Variants in ZNF354B observed in about 807,000 individuals in gnomAD.
ZNF354B encodes the protein zinc finger protein 354B.
ZNF354B carries 10 observed loss-of-function variants against 12.9 expected under a neutral mutation model. That is an observed-to-expected ratio of 0.77 (90% CI 0.48 to 1.31). ZNF354B has a LOEUF of 1.31. Among genes scored for constraint, ZNF354B ranks in the 40% most tolerant of loss-of-function variants. ZNF354B has a pLI of 0.00. For synonymous variants in ZNF354B, 260 were observed against 243.7 expected, an observed-to-expected ratio of 1.07 and a Z score of -0.62; for missense variants, 614 against 711.7, an observed-to-expected ratio of 0.86 and a Z score of 1.56.
At position 178,885,020 on chromosome 5, in the gene ZNF354B, A is replaced by G. The variant is rs1365788140; in HGVS notation, c.*729A>G. ...CATGGCTTTTATTAAAAAAGAAAAAATCTGTTCTCTTCTTTGTTGTAGTCA... is the reference window on the plus strand; with the variant it reads ...CATGGCTTTTATTAAAAAAGAAAAAGTCTGTTCTCTTCTTTGTTGTAGTCA... On this transcript the variant is annotated 3_prime_UTR_variant, in exon 5 of 5. Transcript: ENST00000322434. 2 of 152,198 alleles carry G rather than the reference A, an allele frequency of 1.3e-5. No individual in the cohort carries two copies. Among genetic ancestry groups the G allele is most frequent in the Non-Finnish European group, 2.9e-5 (2 of 68,034 alleles). The allele number at this position is 152,198 out of a possible 1,614,324, so 9.4% of individuals were successfully genotyped here.
intron 2 of ZNF354B, among the ~76,000 whole-genome samples, chr5:178,862,899 T>C (rs1002537826): frequency 1.3e-5 from 2 of 152,166 alleles, no homozygotes; most frequent in Admixed American, 6.5e-5. Context: ...TGTAGACCTG[T>C]GTGTAAAATT....
At position 178,871,100 on chromosome 5, in the gene ZNF354B, A is replaced by T. The variant is rs78422361; in HGVS notation, c.256+4029A>T. Among the ~76,000 whole-genome samples the T allele has an allele frequency of 3.0e-3, 453 of 152,180 alleles. 3 individuals carry two copies. The highest frequency in any genetic ancestry group is 0.01 in the African/African-American group (435 of 41,496). On this transcript the variant is annotated intron_variant, in intron 4 of 4. Transcript: ENST00000322434. ...GAATTATCTATTTAAAGAGTAAATC[A>T]ACCATATTGCTTCTGTGCTCAAAAT... is the stretch of plus-strand genomic sequence containing the variant.
chr5:178,877,922 T>A (rs554212434), intron 4 of ZNF354B, among the ~76,000 whole-genome samples: 40 of 152,356 alleles, frequency 2.6e-4, no homozygotes, highest in African/African-American at 9.1e-4. Context: ...TGCTTCCTAC[T>A]CTACCATCTT....
At position 178,867,082 on chromosome 5, in the gene ZNF354B, G is replaced by A; in HGVS notation, c.256+11G>A. 3.1e-6 allele frequency: 5 copies of A among 1,610,378 alleles called. No individual in the cohort carries two copies. The highest frequency in any genetic ancestry group is 3.4e-6 in the Non-Finnish European group (4 of 1,177,944). ...GTGTCTCCTCTCTAGGTAAGTGGGTGGCCCGAGGTGCTCGGGAATGGCCGC... is the reference window on the plus strand; with the variant it reads ...GTGTCTCCTCTCTAGGTAAGTGGGTAGCCCGAGGTGCTCGGGAATGGCCGC... On this transcript the variant is annotated intron_variant, in intron 4 of 4. Coordinates refer to ENST00000322434, the MANE Select transcript of ZNF354B (RefSeq NM_058230.3).
intron 4 of ZNF354B, 93 bp from the exon 5 acceptor site, chr5:178,882,616 C>T: frequency 7.6e-7 from 1 of 1,320,662 alleles, no homozygotes; most frequent in Non-Finnish European, 1.0e-6. Context: ...ATATAGCAAA[C>T]CCTTACTGAG....
At chr5:178,862,430 G>A (rs113767490) in intron 2 of ZNF354B, among the ~76,000 whole-genome samples, 21,695 of 147,780 alleles carry the variant, frequency 0.15, 1,924 homozygotes, top group African/African-American at 0.25. Context: ...GCAGTGGCGC[G>A]ATCTCGGCTC....
At chr5:178,866,892 C>G in intron 3 of ZNF354B, 84 bp from the exon 4 acceptor site, 1 of 1,346,552 alleles carries the variant, frequency 7.4e-7, no homozygotes. Flanking sequence ...GTAGAAAAGC[C>G]ACGGTTACCC....
chr5:178,872,601 C>T (rs10223060), intron 4 of ZNF354B, among the ~76,000 whole-genome samples: 2,128 of 152,246 alleles, frequency 0.014, 53 homozygotes, highest in African/African-American at 0.048. Flanking sequence ...TACATTTCAC[C>T]AGTAGCATGT....
chr5:178,880,455 C>T (rs1266351236), intron 4 of ZNF354B, among the ~76,000 whole-genome samples: 4 of 151,744 alleles, frequency 2.6e-5, no homozygotes, highest in African/African-American at 9.7e-5. Flanking sequence ...ACCTCAGCCT[C>T]CCAAAGTTTT....
intron 4 of ZNF354B, among the ~76,000 whole-genome samples, chr5:178,877,349 T>C (rs1351538869): frequency 2.0e-5 from 3 of 152,102 alleles, no homozygotes; most frequent in Non-Finnish European, 4.4e-5. Context: ...TTTATGTTTT[T>C]AGTAGAGACA....
intron 2 of ZNF354B, 57 bp from the exon 3 acceptor site, chr5:178,866,187 G>T: frequency 6.3e-7 from 1 of 1,596,304 alleles, no homozygotes; most frequent in Non-Finnish European, 8.5e-7. Flanking sequence ...CCCCACTGCC[G>T]CCCCCTCCAC....
intron 4 of ZNF354B, among the ~76,000 whole-genome samples, chr5:178,870,633 G>A (rs966806715): frequency 1.3e-5 from 2 of 152,176 alleles, no homozygotes; most frequent in African/African-American, 4.8e-5. Flanking sequence ...ATGGTGCAGG[G>A]TGGTGAACGG....
chr5:178,875,197 G>T (rs941373975), intron 4 of ZNF354B, among the ~76,000 whole-genome samples: 1 of 152,190 alleles, frequency 6.6e-6, no homozygotes, highest in Non-Finnish European at 1.5e-5. Flanking sequence ...TTGCCAGGCT[G>T]CCCACCATAG....
chr5:178,861,891 G>A (rs754693116), intron 2 of ZNF354B, among the ~76,000 whole-genome samples: 47 of 152,310 alleles, frequency 3.1e-4, no homozygotes, highest in Non-Finnish European at 5.4e-4. Flanking sequence ...CGTAGATGAA[G>A]GGATCACATG....
intron 4 of ZNF354B, among the ~76,000 whole-genome samples, chr5:178,875,575 G>A (rs1757624377): frequency 6.6e-6 from 1 of 152,202 alleles, no homozygotes; most frequent in African/African-American, 2.4e-5. Flanking sequence ...TGCAGTGGCA[G>A]TGACAGAGGG....
chr5:178,883,726 T>C lies in ZNF354B; in HGVS notation c.1274T>C (p.Leu425Pro). 6.2e-7 allele frequency: 1 copy of C among 1,614,156 alleles called. No homozygotes were observed. Among genetic ancestry groups the C allele is most frequent in the Non-Finnish European group, 8.5e-7 (1 of 1,180,012 alleles). The stretch of plus-strand genomic sequence containing the variant: ...AAAGGCTTTACTTCTATTTCACGAC[T>C]TAATAGACACCGAATAATTCATACT... ...CGKGFTSISR[L>P]NRHRIIHTGE... Residue 425 changes from leucine (L) to proline (P), a missense_variant, in exon 5 of 5, where the codon CTT (leucine) becomes CCT (proline). Coordinates refer to ENST00000322434, the MANE Select transcript of ZNF354B (RefSeq NM_058230.3).
intron 4 of ZNF354B, among the ~76,000 whole-genome samples, chr5:178,879,293 T>G (rs1757683684): frequency 6.6e-6 from 1 of 151,720 alleles, no homozygotes; most frequent in South Asian, 2.1e-4. Flanking sequence ...GAGATCTCCC[T>G]GCCTCGGCCT....
intron 4 of ZNF354B, among the ~76,000 whole-genome samples, chr5:178,867,957 A>G (rs1190416546): frequency 6.6e-6 from 1 of 152,206 alleles, no homozygotes; most frequent in Non-Finnish European, 1.5e-5. Context: ...AAGTGAGGCA[A>G]AACTAGAGGC....
chr5:178,881,003 C>A (rs542698980), intron 4 of ZNF354B, among the ~76,000 whole-genome samples: 1 of 151,772 alleles, frequency 6.6e-6, no homozygotes, highest in Non-Finnish European at 1.5e-5. Context: ...CCACCAAGTC[C>A]AGCTAATTTT....
Sources: allele counts gnomAD v4.1 joint callset (sites outside exome capture counted in the v4.1 genomes callset), GRCh38; gene constraint gnomAD v4.1.1; transcripts MANE v1.5; gene names NCBI Gene and HGNC (gene_info 2026-07-23, HGNC 2026-07-21).